Variants in TBCK observed in about 807,000 individuals in gnomAD.
The protein encoded by TBCK is TBC1 domain containing kinase.
TBCK carries 99 observed loss-of-function variants against 113.4 expected under a neutral mutation model. That is an observed-to-expected ratio of 0.87 (90% CI 0.74 to 1.03). The LOEUF (loss-of-function observed/expected upper bound fraction) is 1.03, where lower values mean the gene tolerates loss of function less well. TBCK is among the 50% of genes least tolerant of loss of function. TBCK has a pLI of 0.00. For missense variants in TBCK, 1,045 were observed against 1,061.3 expected, an observed-to-expected ratio of 0.98 and a Z score of 0.21; for synonymous variants, 369 against 370.8, an observed-to-expected ratio of 1.00 and a Z score of 0.05.
intron 25 of TBCK, among the ~76,000 whole-genome samples, chr4:106,060,499 A>G (rs1044876833): frequency 2.6e-5 from 4 of 151,744 alleles, no homozygotes; most frequent in African/African-American, 9.7e-5. Context: ...TGAATATTTT[A>G]AGTTCTTTGT....
intron 25 of TBCK, among the ~76,000 whole-genome samples, chr4:106,064,627 G>T (rs1736421304): frequency 6.6e-6 from 1 of 151,882 alleles, no homozygotes; most frequent in Non-Finnish European, 1.5e-5. Context: ...GTGATACACT[G>T]TTGGGGATAA....
chr4:106,117,469 T>C (rs1743660691), intron 23 of TBCK, among the ~76,000 whole-genome samples: 1 of 152,214 alleles, frequency 6.6e-6, no homozygotes, highest in Admixed American at 6.5e-5. Context: ...ACTAACAATG[T>C]GTCTTAACTG....
chr4:106,180,502 A>G (rs1343684276), intron 22 of TBCK, among the ~76,000 whole-genome samples: 1 of 152,042 alleles, frequency 6.6e-6, no homozygotes, highest in Non-Finnish European at 1.5e-5. Context: ...CGTCACCTAC[A>G]TTAGGTATTT....
intron 24 of TBCK, among the ~76,000 whole-genome samples, chr4:106,103,791 C>T (rs1741827442): frequency 6.6e-6 from 1 of 152,176 alleles, no homozygotes; most frequent in African/African-American, 2.4e-5. Flanking sequence ...ACCACACCTT[C>T]AGCTGAAACA....
rs7666081 is a variant in TBCK at position 106,277,460 on chromosome 4, A to G, written c.267-15248T>C. Among the ~76,000 whole-genome samples, 865 of 152,300 alleles carry G rather than the reference A, an allele frequency of 5.7e-3. 10 individuals are homozygous for G. The highest frequency in any genetic ancestry group is 0.02 in the African/African-American group (835 of 41,574). On this transcript the variant is annotated intron_variant, in intron 3 of 25. Coordinates refer to ENST00000394708, the MANE Select transcript of TBCK (RefSeq NM_001163435.3). ...AAATAGCCAAGAAGTTCAACAAGAG[A>G]AAATTGAAAAACAAATATATTTATA...
chr4:106,128,154 A>G (rs1406252341), intron 23 of TBCK, among the ~76,000 whole-genome samples: 1 of 152,232 alleles, frequency 6.6e-6, no homozygotes, highest in Admixed American at 6.5e-5. Context: ...TAGCTCATCA[A>G]CTTAATTGGT....
rs963159840 is a variant in TBCK, at chr4:106,046,396, T to C, written c.*174A>G. 1.0e-5 allele frequency: 5 copies of C among 481,786 alleles called. No individual in the cohort carries two copies. Among genetic ancestry groups the C allele is most frequent in the Non-Finnish European group, 1.5e-5 (4 of 271,796 alleles). 29.8% of individuals were successfully genotyped at this position (481,786 alleles called of 1,614,324 possible). On this transcript the variant is annotated 3_prime_UTR_variant, in exon 26 of 26. Coordinates refer to ENST00000394708, the MANE Select transcript of TBCK (RefSeq NM_001163435.3). ...GCAATACATGTAGAGTCAAGTTTCT[T>C]GCATGGATAACTGAACATGTGGGTT...
chr4:106,113,407 C>G (rs1168763597), intron 24 of TBCK, among the ~76,000 whole-genome samples: 1 of 152,184 alleles, frequency 6.6e-6, no homozygotes, highest in Non-Finnish European at 1.5e-5. Context: ...TTTCAATTAG[C>G]TGTAGAAAAG....
chr4:106,303,265 G>A (rs1430523503), intron 2 of TBCK, among the ~76,000 whole-genome samples: 1 of 152,124 alleles, frequency 6.6e-6, no homozygotes, highest in Admixed American at 6.5e-5. Context: ...AACTTCTCAA[G>A]TTAGCCTTTA....
At chr4:106,157,621 A>T (rs1749277740) in intron 23 of TBCK, among the ~76,000 whole-genome samples, 1 of 152,102 alleles carries the variant, frequency 6.6e-6, no homozygotes, top group Admixed American at 6.6e-5. Flanking sequence ...TTCTGCTGTA[A>T]CAGGATATCA....
intron 25 of TBCK, among the ~76,000 whole-genome samples, chr4:106,047,888 CT>C (rs959442139): frequency 3.3e-5 from 5 of 152,120 alleles, no homozygotes; most frequent in Admixed American, 3.3e-4. Flanking sequence ...TCTTCAAGTT[CT>C]TTTCAATTAC....
At position 106,299,949 on chromosome 4, in the gene TBCK, G is replaced by C. The variant is rs189367957; in HGVS notation, c.194-4783C>G. 1.7e-3 allele frequency among the ~76,000 whole-genome samples: 262 copies of C among 152,302 alleles called. 1 individual carries two copies. The highest frequency in any genetic ancestry group is 3.2e-3 in the Non-Finnish European group (219 of 68,024). ...TGAACTGTGTGTTTTAGGTTTGACAGGGCTTGGCTGTGTTCCCACCCAAAT... is the reference window on the plus strand; with the variant it reads ...TGAACTGTGTGTTTTAGGTTTGACACGGCTTGGCTGTGTTCCCACCCAAAT... On this transcript the variant is annotated intron_variant, in intron 2 of 25. Coordinates refer to ENST00000394708, the MANE Select transcript of TBCK (RefSeq NM_001163435.3).
At chr4:106,177,277 C>A (rs1441052689) in intron 22 of TBCK, among the ~76,000 whole-genome samples, 2 of 151,864 alleles carry the variant, frequency 1.3e-5, no homozygotes, top group Non-Finnish European at 2.9e-5. Context: ...CATTTCCTCC[C>A]ATTCTGTAGG....
At chr4:106,069,588 A>C (rs1279985741) in intron 25 of TBCK, among the ~76,000 whole-genome samples, 4 of 152,150 alleles carry the variant, frequency 2.6e-5, no homozygotes, top group Non-Finnish European at 5.9e-5. Context: ...TGATGCCTCC[A>C]GCTTTGTTCT....
intron 25 of TBCK, among the ~76,000 whole-genome samples, chr4:106,087,289 A>G (rs1430337984): frequency 6.6e-6 from 1 of 152,216 alleles, no homozygotes; most frequent in Non-Finnish European, 1.5e-5. Flanking sequence ...TACACCAACA[A>G]TAGGCAGGCA....
At chr4:106,076,130 G>A (rs1209861555) in intron 25 of TBCK, among the ~76,000 whole-genome samples, 1 of 152,216 alleles carries the variant, frequency 6.6e-6, no homozygotes, top group East Asian at 1.9e-4. Flanking sequence ...GGGGCCATAG[G>A]TAGGTGCCCT....
intron 25 of TBCK, among the ~76,000 whole-genome samples, chr4:106,070,616 T>C (rs1483107766): frequency 6.6e-6 from 1 of 152,202 alleles, no homozygotes; most frequent in African/African-American, 2.4e-5. Context: ...TTTGTGTGTG[T>C]GTCTCTGCCA....
chr4:106,278,046 T>C (rs183149243), intron 3 of TBCK, among the ~76,000 whole-genome samples: 9 of 152,082 alleles, frequency 5.9e-5, no homozygotes, highest in African/African-American at 1.4e-4. Flanking sequence ...AATTAGAAAA[T>C]CTAGGTATAT....
chr4:106,119,153 G>C (rs957262538), intron 23 of TBCK, among the ~76,000 whole-genome samples: 78 of 152,070 alleles, frequency 5.1e-4, no homozygotes, highest in African/African-American at 1.7e-3. Context: ...GTCTTATTTA[G>C]TATTATAGAT....
Sources: allele counts gnomAD v4.1 joint callset (sites outside exome capture counted in the v4.1 genomes callset), GRCh38; gene constraint gnomAD v4.1.1; transcripts MANE v1.5; gene names NCBI Gene and HGNC (gene_info 2026-07-23, HGNC 2026-07-21).